PTPRT: variants seen among roughly 807,000 people sequenced by gnomAD.
PTPRT encodes the protein protein tyrosine phosphatase receptor type T, also known as receptor-type tyrosine-protein phosphatase T.
PTPRT carries 56 observed loss-of-function variants against 176.8 expected under a neutral mutation model. The ratio of observed to expected loss-of-function variants is 0.32; its 90% CI spans 0.26 to 0.40. PTPRT has a LOEUF of 0.40. Among genes scored for constraint, PTPRT ranks in the 10% least tolerant of loss-of-function variants. The pLI is 1.00. For synonymous variants in PTPRT, 783 were observed against 739.0 expected, an observed-to-expected ratio of 1.06 and a Z score of -0.96; for missense variants, 1,540 against 1,908.2, an observed-to-expected ratio of 0.81 and a Z score of 3.60.
At chr20:42,602,188 C>T (rs564904681) in intron 7 of PTPRT, among the ~76,000 whole-genome samples, 1 of 152,248 alleles carries the variant, frequency 6.6e-6, no homozygotes, top group South Asian at 2.1e-4. Context: ...CTAACACATT[C>T]ATTTTCTTCT....
intron 7 of PTPRT, among the ~76,000 whole-genome samples, chr20:42,603,754 T>C (rs1239256437): frequency 6.6e-6 from 1 of 152,166 alleles, no homozygotes; most frequent in Non-Finnish European, 1.5e-5. Flanking sequence ...AAAGCTTCAC[T>C]CCATAGACGG....
intron 15 of PTPRT, among the ~76,000 whole-genome samples, chr20:42,218,198 T>A (rs570158439): frequency 6.6e-6 from 1 of 152,274 alleles, no homozygotes; most frequent in South Asian, 2.1e-4. Flanking sequence ...TGGAGGGCCA[T>A]TAAAAATGAA....
At chr20:42,513,379 A>G (rs1261098110) in intron 7 of PTPRT, among the ~76,000 whole-genome samples, 2 of 151,948 alleles carry the variant, frequency 1.3e-5, no homozygotes, top group East Asian at 3.9e-4. Context: ...AAAAAATTCT[A>G]ATTTATTGAG....
intron 2 of PTPRT, among the ~76,000 whole-genome samples, chr20:42,818,423 A>C (rs2077829695): frequency 6.6e-6 from 1 of 152,212 alleles, no homozygotes; most frequent in African/African-American, 2.4e-5. Flanking sequence ...CAAACTCACG[A>C]ATATGAGAAA....
At chr20:42,507,394 C>T (rs1397430326) in intron 7 of PTPRT, among the ~76,000 whole-genome samples, 2 of 152,016 alleles carry the variant, frequency 1.3e-5, no homozygotes, top group Admixed American at 1.3e-4. Flanking sequence ...TACACTCACA[C>T]GGATGCACCC....
At chr20:42,919,783 A>G (rs7272450) in intron 1 of PTPRT, among the ~76,000 whole-genome samples, 10,351 of 152,278 alleles carry the variant, frequency 0.068, 982 homozygotes, top group African/African-American at 0.21. Context: ...CCATTCATTT[A>G]CTTACGAATG....
rs541225865 is a variant in PTPRT at position 42,103,911 on chromosome 20, T to A, written c.3540+658A>T. 1.8e-4 allele frequency among the ~76,000 whole-genome samples: 28 copies of A among 152,368 alleles called. No individual in the cohort carries two copies. In the East Asian group the frequency reaches 5.0e-3, roughly 27 times the overall value. On this transcript the variant is annotated intron_variant, in intron 25 of 30. Transcript: ENST00000373187. ...TAGTTGCTCATGGCTGTGCATTTTGTGTTCTGGAATAGATTCTGCAGCTTC... is the reference window on the plus strand; with the variant it reads ...TAGTTGCTCATGGCTGTGCATTTTGAGTTCTGGAATAGATTCTGCAGCTTC...
intron 2 of PTPRT, among the ~76,000 whole-genome samples, chr20:42,817,440 A>G (rs2077808172): frequency 6.6e-6 from 1 of 151,488 alleles, no homozygotes; most frequent in Admixed American, 6.6e-5. Flanking sequence ...CTCACCTATC[A>G]ATGTGTACAC....
At chr20:42,465,062 T>A (rs896895011) in intron 8 of PTPRT, among the ~76,000 whole-genome samples, 2 of 151,928 alleles carry the variant, frequency 1.3e-5, no homozygotes, top group African/African-American at 4.8e-5. Context: ...TATTATGGTA[T>A]ATATTAAGTT....
At chr20:43,065,488 T>G (rs2011105397) in intron 1 of PTPRT, among the ~76,000 whole-genome samples, 1 of 152,230 alleles carries the variant, frequency 6.6e-6, no homozygotes, top group African/African-American at 2.4e-5. Flanking sequence ...AAATGGATTT[T>G]GGTGACCTCT....
chr20:42,816,559 G>A (rs116272491), intron 2 of PTPRT, among the ~76,000 whole-genome samples: 12,747 of 152,244 alleles, frequency 0.084, 563 homozygotes, highest in South Asian at 0.19. Flanking sequence ...GACTGGATCA[G>A]AGGGAGGTTT....
chr20:43,112,850 G>A (rs535648119), intron 1 of PTPRT, among the ~76,000 whole-genome samples: 226 of 152,086 alleles, frequency 1.5e-3, no homozygotes, highest in Middle Eastern at 0.01. Flanking sequence ...TGATATAAAC[G>A]TATCTCGTGG....
intron 9 of PTPRT, among the ~76,000 whole-genome samples, chr20:42,413,387 T>G (rs576024273): frequency 3.3e-4 from 50 of 152,272 alleles, no homozygotes; most frequent in Non-Finnish European, 5.7e-4. Flanking sequence ...CCTATATCCA[T>G]GAAATGGTAC....
chr20:42,057,370 G>A, the PTPRT span, among the ~76,000 whole-genome samples: 2 of 152,108 alleles, frequency 1.3e-5, no homozygotes, highest in Non-Finnish European at 2.9e-5. Flanking sequence ...AGTGTGGCTG[G>A]ATCACAGGGT....
intron 15 of PTPRT, among the ~76,000 whole-genome samples, chr20:42,204,689 G>A (rs1249869319): frequency 1.3e-5 from 2 of 152,140 alleles, no homozygotes; most frequent in Non-Finnish European, 2.9e-5. Flanking sequence ...GGAGGGGTAG[G>A]TGGCAGGGGA....
At chr20:42,797,459 G>A (rs6072874) in intron 2 of PTPRT, among the ~76,000 whole-genome samples, 4 of 152,044 alleles carry the variant, frequency 2.6e-5, no homozygotes, top group African/African-American at 4.8e-5. Context: ...TAAAGCCCAA[G>A]GTCTTTCATG....
chr20:42,108,652 AAAAC>A (rs3091922), intron 23 of PTPRT, among the ~76,000 whole-genome samples: 100,527 of 151,650 alleles, frequency 0.66, 34,112 homozygotes, highest in African/African-American at 0.81. Flanking sequence ...TGGGAATATG[AAAAC>A]AAACAAACAT....
At chr20:42,898,994 A>G (rs945657126) in intron 1 of PTPRT, among the ~76,000 whole-genome samples, 9 of 152,174 alleles carry the variant, frequency 5.9e-5, no homozygotes, top group Non-Finnish European at 1.3e-4. Context: ...TTCTTTCCCA[A>G]AAACAGCATG....
At chr20:43,109,156 T>C (rs1019029767) in intron 1 of PTPRT, among the ~76,000 whole-genome samples, 4 of 152,162 alleles carry the variant, frequency 2.6e-5, no homozygotes, top group African/African-American at 9.7e-5. Flanking sequence ...AGGCGGCAAG[T>C]GCTATAATGC....
Sources: gnomAD v4.1 joint callset for allele counts (sites outside exome capture counted in the v4.1 genomes callset) on GRCh38, gnomAD v4.1.1 for gene constraint, MANE v1.5 for transcripts, NCBI Gene and HGNC (gene_info 2026-07-23, HGNC 2026-07-21) for gene names.